The following STK3 variants were observed in gnomAD, a reference collection of about 807,000 sequenced individuals.
STK3 encodes serine/threonine-protein kinase 3.
Under a neutral mutation model 58.0 loss-of-function variants are expected in STK3, and 41 were observed. The observed-to-expected ratio is 0.71, with a 90% confidence interval of 0.55 to 0.92. The LOEUF (loss-of-function observed/expected upper bound fraction) is 0.92. Ranked by LOEUF, STK3 falls within the 40% of genes least tolerant of loss-of-function variation. The pLI is 0.00. For missense variants in STK3, 479 were observed against 602.7 expected, an observed-to-expected ratio of 0.79 and a Z score of 2.15; for synonymous variants, 170 against 191.0, an observed-to-expected ratio of 0.89 and a Z score of 0.91.
intron 4 of STK3, among the ~76,000 whole-genome samples, chr8:98,738,351 T>C (rs1447199725): frequency 1.3e-5 from 2 of 152,066 alleles, no homozygotes; most frequent in Non-Finnish European, 2.9e-5. Context: ...TGGGTGCTTA[T>C]AATCCCAGCT....
intron 2 of STK3, among the ~76,000 whole-genome samples, chr8:98,377,702 A>C (rs1247741968): frequency 6.6e-6 from 1 of 151,662 alleles, no homozygotes; most frequent in Non-Finnish European, 1.5e-5. Context: ...CCCACACCCA[A>C]CTCTGCCATC....
chr8:98,538,623 A>T (rs889985083), intron 9 of STK3, among the ~76,000 whole-genome samples: 1 of 152,230 alleles, frequency 6.6e-6, no homozygotes, highest in Non-Finnish European at 1.5e-5. Flanking sequence ...TTCCTGTGCG[A>T]GTAATGAATA....
At chr8:98,682,568 T>A (rs1823715481) in intron 6 of STK3, among the ~76,000 whole-genome samples, 1 of 152,136 alleles carries the variant, frequency 6.6e-6, no homozygotes, top group Non-Finnish European at 1.5e-5. Context: ...CCAGATGTAA[T>A]AAAGATGGTT....
chr8:98,646,657 T>C (rs1055514648), intron 6 of STK3, among the ~76,000 whole-genome samples: 1 of 152,196 alleles, frequency 6.6e-6, no homozygotes, highest in African/African-American at 2.4e-5. Context: ...CCTCTGTCCC[T>C]CTCAATTGTT....
chr8:98,376,072 G>A (rs1204981739), intron 2 of STK3, among the ~76,000 whole-genome samples: 2 of 152,306 alleles, frequency 1.3e-5, no homozygotes, highest in South Asian at 4.1e-4. Context: ...CCATATCCTT[G>A]TCAGCACTTG....
intron 6 of STK3, among the ~76,000 whole-genome samples, chr8:98,692,426 T>C (rs534645044): frequency 6.6e-6 from 1 of 152,282 alleles, no homozygotes; most frequent in South Asian, 2.1e-4. Flanking sequence ...CTTGTATAAA[T>C]TATTGAAAAC....
chr8:98,855,170 T>G (rs1836623487), intron 3 of STK3, among the ~76,000 whole-genome samples: 1 of 152,246 alleles, frequency 6.6e-6, no homozygotes, highest in African/African-American at 2.4e-5. Context: ...ATCTACAAGC[T>G]GATTCTTAAA....
intron 8 of STK3, among the ~76,000 whole-genome samples, chr8:98,569,912 T>A (rs1019586734): frequency 2.7e-5 from 4 of 149,008 alleles, no homozygotes; most frequent in Middle Eastern, 3.5e-3. Flanking sequence ...AAAAAAAAAA[T>A]ATGTGTGTGT....
intron 6 of STK3, chr8:98,597,859 C>T: frequency 2.0e-6 from 2 of 982,854 alleles, no homozygotes; most frequent in Non-Finnish European, 2.4e-6. Flanking sequence ...GAATAGCAAA[C>T]AACTGAGTGC....
chr8:98,382,117 G>A (rs1301484003), intron 1 of STK3, among the ~76,000 whole-genome samples: 11 of 152,184 alleles, frequency 7.2e-5, no homozygotes, highest in Admixed American at 7.2e-4. Context: ...GGGCTGGGGA[G>A]CTGAGTGCAG....
At chr8:98,705,201 G>A (rs1359002587) in intron 6 of STK3, among the ~76,000 whole-genome samples, 7 of 151,996 alleles carry the variant, frequency 4.6e-5, no homozygotes, top group African/African-American at 7.2e-5. Context: ...TGGGCGGATC[G>A]CTTGAGCCCA....
At chr8:98,838,988 T>TTGTGTG (rs35564732) in intron 3 of STK3, among the ~76,000 whole-genome samples, 53 of 145,070 alleles carry the variant, frequency 3.7e-4, no homozygotes, top group Admixed American at 1.2e-3. Context: ...TTTGTTTGTT[T>TTGTGTG]TGTGTGTGTG....
At chr8:98,722,284 C>T (rs1250287820) in intron 4 of STK3, among the ~76,000 whole-genome samples, 1 of 152,134 alleles carries the variant, frequency 6.6e-6, no homozygotes, top group East Asian at 1.9e-4. Context: ...CAGCCTTGTA[C>T]CAAAACGGAG....
rs370845364 is a variant in STK3 at position 98,753,807 on chromosome 8, T to C, written c.237-4417A>G. On this transcript the variant is annotated intron_variant, in intron 3 of 10. Coordinates refer to ENST00000419617, the MANE Select transcript of STK3 (RefSeq NM_006281.4). Reference sequence around the variant, plus strand: ...GTGGTTGGAGCTGAAGGGCCTGAATTCAAACCTGTTTTATCCCCACTGCTA... The same window carrying C: ...GTGGTTGGAGCTGAAGGGCCTGAATCCAAACCTGTTTTATCCCCACTGCTA... Among the ~76,000 whole-genome samples the C allele has an allele frequency of 7.4e-4, 112 of 152,278 alleles. 1 individual carries two copies. Among genetic ancestry groups the C allele is most frequent in the African/African-American group, 2.6e-3 (106 of 41,552 alleles).
chr8:98,659,960 T>G (rs902395392), intron 6 of STK3, among the ~76,000 whole-genome samples: 1 of 151,686 alleles, frequency 6.6e-6, no homozygotes, highest in African/African-American at 2.4e-5. Flanking sequence ...AGCTGAAGCC[T>G]AGAGATAAAG....
intron 8 of STK3, among the ~76,000 whole-genome samples, chr8:98,562,834 C>A (rs867530388): frequency 6.8e-6 from 1 of 147,710 alleles, no homozygotes; most frequent in Non-Finnish European, 1.5e-5. Flanking sequence ...ATCGCTTCAG[C>A]CCAAAAGTTC....
At chr8:98,573,197 G>T (rs1813102713) in intron 8 of STK3, among the ~76,000 whole-genome samples, 1 of 152,198 alleles carries the variant, frequency 6.6e-6, no homozygotes, top group Non-Finnish European at 1.5e-5. Context: ...GAGAAAAGGA[G>T]ATTCTTATGT....
intron 3 of STK3, among the ~76,000 whole-genome samples, chr8:98,869,140 G>A (rs145473310): frequency 1.3e-3 from 197 of 152,168 alleles, no homozygotes; most frequent in South Asian, 2.3e-3. Flanking sequence ...AGAATCTCAC[G>A]CTGGGTCTGG....
intron 6 of STK3, among the ~76,000 whole-genome samples, chr8:98,701,708 A>G (rs965021525): frequency 6.6e-6 from 1 of 151,544 alleles, no homozygotes; most frequent in African/African-American, 2.4e-5. Context: ...TCTCTCTCAC[A>G]CTCACTTCCT....
Sources: gnomAD v4.1 joint callset for allele counts (sites outside exome capture counted in the v4.1 genomes callset) on GRCh38, gnomAD v4.1.1 for gene constraint, MANE v1.5 for transcripts, NCBI Gene and HGNC (gene_info 2026-07-23, HGNC 2026-07-21) for gene names.